Variants in ANK2 observed in about 807,000 individuals in gnomAD.
The protein encoded by ANK2 is ankyrin 2.
Under a neutral mutation model 360.5 loss-of-function variants are expected in ANK2, and 83 were observed. The ratio of observed to expected loss-of-function variants is 0.23; its 90% CI spans 0.19 to 0.28. The LOEUF (loss-of-function observed/expected upper bound fraction) is 0.28. Among genes scored for constraint, ANK2 ranks in the 10% least tolerant of loss-of-function variants. ANK2 has a pLI of 1.00. For synonymous variants in ANK2, 1,740 were observed against 1,759.5 expected (o/e 0.99, Z 0.28); for missense variants, 4,201 against 4,795.7 (o/e 0.88, Z 3.66).
intron 23 of ANK2, among the ~76,000 whole-genome samples, chr4:113,307,412 C>CTTTT (rs56756321): frequency 5.4e-5 from 5 of 91,872 alleles, no homozygotes; most frequent in Admixed American, 1.2e-4. Flanking sequence ...GCCATTCCAC[C>CTTTT]TTTTTTTTTT....
At chr4:112,977,161 G>A (rs1233305146) in intron 2 of ANK2, among the ~76,000 whole-genome samples, 1 of 152,176 alleles carries the variant, frequency 6.6e-6, no homozygotes, top group East Asian at 1.9e-4. Context: ...TTGTATTCAT[G>A]TAACTTTCTT....
At chr4:113,013,378 C>A (rs1000515530) in intron 2 of ANK2, among the ~76,000 whole-genome samples, 4 of 152,120 alleles carry the variant, frequency 2.6e-5, no homozygotes, top group African/African-American at 7.2e-5. Flanking sequence ...ATATTTCTGT[C>A]ACAGAGCAGA....
chr4:113,238,650 T>C (rs998312368), intron 7 of ANK2, among the ~76,000 whole-genome samples: 6 of 152,224 alleles, frequency 3.9e-5, no homozygotes, highest in Admixed American at 1.3e-4. Context: ...AAAGCAGTAT[T>C]GGCTCTAAAC....
intron 1 of ANK2, among the ~76,000 whole-genome samples, chr4:113,057,860 A>G (rs2070906727): frequency 6.6e-6 from 1 of 152,160 alleles, no homozygotes; most frequent in Admixed American, 6.6e-5. Flanking sequence ...AATACTTTGC[A>G]TAGCAGCTAA....
intron 1 of ANK2, among the ~76,000 whole-genome samples, chr4:112,829,797 T>C (rs964662718): frequency 5.3e-5 from 8 of 151,466 alleles, no homozygotes; most frequent in African/African-American, 7.3e-5. Flanking sequence ...GTACTAACAA[T>C]AGAAAAGCAA....
chr4:113,249,863 G>T lies in ANK2; in HGVS notation c.990+1G>T. ...TGCCCCCTTGCTGGCAAGGACTAAG[G>T]TGAGTCATTATGAGTAAGATGGGGT... On this transcript the variant is annotated splice_donor_variant, in intron 10 of 45. Transcript: ENST00000357077. LOFTEE classifies it high-confidence loss of function. 6.2e-7 allele frequency: 1 copy of T among 1,613,508 alleles called. No homozygotes were observed. Among genetic ancestry groups the T allele is most frequent in the Non-Finnish European group, 8.5e-7 (1 of 1,179,640 alleles).
chr4:112,992,353 A>G lies in ANK2; in HGVS notation c.21+87839A>G, dbSNP rs1387756001. Among the ~76,000 whole-genome samples, 4 of 152,150 alleles carry G rather than the reference A, an allele frequency of 2.6e-5. No homozygotes were observed. In the South Asian group the frequency reaches 6.2e-4, roughly 24 times the overall value. On this transcript the variant is annotated intron_variant, in intron 2 of 30. Coordinates refer to the ANK2 transcript ENST00000503271. ...GAGATGGTGTTTCACCATGTTGGGC[A>G]GGCTAGTCTTGAACTCCTGACCTCA...
chr4:113,352,483 T>C (rs578161934), intron 37 of ANK2, among the ~76,000 whole-genome samples: 1 of 152,302 alleles, frequency 6.6e-6, no homozygotes, highest in African/African-American at 2.4e-5. Context: ...TCTTTGTATA[T>C]TGGTAGAACT....
chr4:113,180,449 C>T (rs1254499919), intron 2 of ANK2, among the ~76,000 whole-genome samples: 1 of 152,078 alleles, frequency 6.6e-6, no homozygotes, highest in African/African-American at 2.4e-5. Context: ...TATATTGATT[C>T]TCAACCTAAG....
At position 113,354,665 on chromosome 4, in the gene ANK2, C is replaced by T. The variant is rs769840245; in HGVS notation, c.6047C>T (p.Ala2016Val). Reference protein sequence around the residue: ...HKTGLFEHKSAKQKQPQEKGK... With the variant: ...HKTGLFEHKSVKQKQPQEKGK... The stretch of plus-strand genomic sequence containing the variant: ...ACTGGACTCTTTGAGCACAAATCAG[C>T]AAAACAAAAGCAGCCACAAGAGAAA... Residue 2016 changes from alanine to valine, a missense_variant, in exon 38 of 46, where the codon GCA becomes GTA. Coordinates refer to ENST00000357077, the MANE Select transcript of ANK2 (RefSeq NM_001148.6). The T allele has an allele frequency of 6.2e-7, 1 of 1,613,696 alleles. No individual in the cohort carries two copies. The highest frequency in any genetic ancestry group is 1.1e-5 in the South Asian group (1 of 91,070).
intron 1 of ANK2, among the ~76,000 whole-genome samples, chr4:112,878,815 TTAG>T (rs1373280426): frequency 6.6e-6 from 1 of 151,854 alleles, no homozygotes; most frequent in African/African-American, 2.4e-5. Context: ...TTTTGTATTT[TTAG>T]TAGAGACGGG....
At chr4:113,086,548 A>G (rs1426971889) in intron 1 of ANK2, among the ~76,000 whole-genome samples, 1 of 152,222 alleles carries the variant, frequency 6.6e-6, no homozygotes, top group Non-Finnish European at 1.5e-5. Flanking sequence ...CCTTGTGGCA[A>G]CTATATTCTA....
chr4:112,971,389 TA>T (rs2039462780), intron 2 of ANK2, among the ~76,000 whole-genome samples: 1 of 152,236 alleles, frequency 6.6e-6, no homozygotes, highest in South Asian at 2.1e-4. Context: ...AGCACTGCAC[TA>T]AAAGCATACC....
the ANK2 span, among the ~76,000 whole-genome samples, chr4:112,712,406 A>AT: frequency 1.2e-4 from 10 of 86,828 alleles, no homozygotes; most frequent in East Asian, 3.4e-4. Context: ...ATATATATAT[A>AT]TTTTTTTTTT....
At chr4:113,075,300 A>G (rs2079451245) in intron 1 of ANK2, among the ~76,000 whole-genome samples, 1 of 152,214 alleles carries the variant, frequency 6.6e-6, no homozygotes. Flanking sequence ...ATCTTTTTAT[A>G]TATGTCACCC....
intron 1 of ANK2, among the ~76,000 whole-genome samples, chr4:112,836,595 G>A (rs2061038298): frequency 6.6e-6 from 1 of 152,200 alleles, no homozygotes; most frequent in Admixed American, 6.5e-5. Context: ...TATGGACAAT[G>A]AAGTCCAGGC....
intron 1 of ANK2, among the ~76,000 whole-genome samples, chr4:112,819,041 A>T (rs1168841170): frequency 1.3e-5 from 2 of 152,166 alleles, no homozygotes; most frequent in Non-Finnish European, 2.9e-5. Context: ...AAAGCACCAC[A>T]TTCCCACACT....
the ANK2 span, among the ~76,000 whole-genome samples, chr4:112,796,616 C>A: frequency 0.13 from 20,114 of 150,300 alleles, 2,118 homozygotes; most frequent in East Asian, 0.5. Context: ...TCCCAAAGTT[C>A]TAGGACTACA....
chr4:113,323,864 G>C lies in ANK2; in HGVS notation c.2900+5244G>C, dbSNP rs940139272. 5 of 1,458,856 alleles carry C rather than the reference G, an allele frequency of 3.4e-6. No homozygotes were observed. In the African/African-American group the frequency reaches 7.0e-5, roughly 20 times the overall value. The allele number at this position is 1,458,856 out of a possible 1,614,324, so 90.4% of individuals were successfully genotyped here. On this transcript the variant is annotated intron_variant, in intron 26 of 45. Transcript: ENST00000357077. Reference sequence around the variant, plus strand: ...TCTCCCCCTTTCGCCATCTCCTTCTGCATATTCCTTGCCTCAGGATGCTTT... The same window carrying C: ...TCTCCCCCTTTCGCCATCTCCTTCTCCATATTCCTTGCCTCAGGATGCTTT...
Sources: allele counts gnomAD v4.1 joint callset (sites outside exome capture counted in the v4.1 genomes callset), GRCh38; gene constraint gnomAD v4.1.1; transcripts MANE v1.5; gene names NCBI Gene and HGNC (gene_info 2026-07-23, HGNC 2026-07-21).